Variants in PCGF5 observed in about 807,000 individuals in gnomAD.
The protein encoded by PCGF5 is polycomb group RING finger protein 5.
PCGF5 carries 9 observed loss-of-function variants against 44.3 expected under a neutral mutation model. That is an observed-to-expected ratio of 0.20 (90% CI 0.12 to 0.35). The LOEUF (loss-of-function observed/expected upper bound fraction) is 0.35. Ranked by LOEUF, PCGF5 falls within the 10% of genes least tolerant of loss-of-function variation. The pLI is 1.00. For synonymous variants in PCGF5, 95 were observed against 102.5 expected (o/e 0.93, Z 0.44); for missense variants, 146 against 305.3 (o/e 0.48, Z 3.89).
intron 3 of PCGF5, among the ~76,000 whole-genome samples, chr10:91,244,942 A>G (rs890681950): frequency 2.0e-5 from 3 of 152,148 alleles, no homozygotes; most frequent in Non-Finnish European, 4.4e-5. Context: ...AAGTGGATAT[A>G]TGTGTCTAGA....
intron 2 of PCGF5, among the ~76,000 whole-genome samples, chr10:91,230,303 G>C (rs910770672): frequency 6.6e-6 from 1 of 152,164 alleles, no homozygotes; most frequent in Non-Finnish European, 1.5e-5. Flanking sequence ...TAGAAATCAT[G>C]ATCAGTATAC....
rs1414466825 is a variant in PCGF5, at chr10:91,181,030, G to A, written c.-184+17949G>A. 2.6e-5 allele frequency among the ~76,000 whole-genome samples: 4 copies of A among 152,116 alleles called. No homozygotes were observed. The East Asian group carries it at 7.7e-4, about 29-fold the overall frequency. ...GTCATCTCTGATTTTTTTAAGCAGT[G>A]GTTTGTTGTTCTCCTTGTAGAGATC... is the stretch of plus-strand genomic sequence containing the variant. On this transcript the variant is annotated intron_variant, in intron 1 of 9. Transcript: ENST00000614189.
upstream of PCGF5, among the ~76,000 whole-genome samples, chr10:91,161,236 T>C (rs1394719524): frequency 6.6e-6 from 1 of 152,246 alleles, no homozygotes; most frequent in East Asian, 1.9e-4. Flanking sequence ...CACCTTACCC[T>C]AGTTGAACGT....
At position 91,251,272 on chromosome 10, in the gene PCGF5, G is replaced by A; in HGVS notation, c.326-20G>A. 6.3e-7 allele frequency: 1 copy of A among 1,580,354 alleles called. No homozygotes were observed. Among genetic ancestry groups the A allele is most frequent in the Non-Finnish European group, 8.6e-7 (1 of 1,156,924 alleles). On this transcript the variant is annotated intron_variant, in intron 5 of 9. Transcript: ENST00000336126. The stretch of plus-strand genomic sequence containing the variant: ...TCAACTTTGATTTATAGCTAACTTA[G>A]TTTTGTTTAAATTATACAGATGATA...
chr10:91,174,053 T>C (rs1306409360), intron 1 of PCGF5, among the ~76,000 whole-genome samples: 1 of 151,640 alleles, frequency 6.6e-6, no homozygotes, highest in Non-Finnish European at 1.5e-5. Context: ...TTTAATGCAA[T>C]GAAGATTTTT....
chr10:91,265,981 A>G (rs1846041886), intron 8 of PCGF5, among the ~76,000 whole-genome samples: 1 of 152,162 alleles, frequency 6.6e-6, no homozygotes, highest in Non-Finnish European at 1.5e-5. Context: ...TAAATTAACA[A>G]CCTGCCTTTC....
At position 91,230,880 on chromosome 10, in the gene PCGF5, C is replaced by T. The variant is rs909177238; in HGVS notation, c.112+7897C>T. On this transcript the variant is annotated intron_variant, in intron 2 of 9. Transcript: ENST00000336126. The stretch of plus-strand genomic sequence containing the variant: ...TCAAGTGATCAATCTGCCTTGACCT[C>T]CCAAAGTGCTGGGATTATAGGTGTC... 7.9e-5 allele frequency among the ~76,000 whole-genome samples: 12 copies of T among 152,218 alleles called. No individual in the cohort carries two copies. The East Asian group carries it at 1.9e-3, about 25-fold the overall frequency.
upstream of PCGF5, among the ~76,000 whole-genome samples, chr10:91,161,312 A>G (rs1843378192): frequency 6.6e-6 from 1 of 151,998 alleles, no homozygotes; most frequent in Non-Finnish European, 1.5e-5. Context: ...CGCTTGGGAA[A>G]GAATACTTTC....
At chr10:91,244,011 T>C (rs926812243) in intron 3 of PCGF5, among the ~76,000 whole-genome samples, 2 of 152,232 alleles carry the variant, frequency 1.3e-5, no homozygotes, top group Non-Finnish European at 2.9e-5. Context: ...TTCTAGGTGC[T>C]TGAGGTCCAT....
intron 3 of PCGF5, among the ~76,000 whole-genome samples, chr10:91,241,282 T>C (rs1165225536): frequency 6.6e-6 from 1 of 151,996 alleles, no homozygotes; most frequent in Non-Finnish European, 1.5e-5. Flanking sequence ...TTGGTCAGGC[T>C]GGTCTCAAAC....
At chr10:91,218,081 G>C (rs945084772), upstream of PCGF5, among the ~76,000 whole-genome samples, 1 of 152,114 alleles carries the variant, frequency 6.6e-6, no homozygotes, top group African/African-American at 2.4e-5. Context: ...GCCACCGTGC[G>C]CAGCCCTAAT....
chr10:91,164,771 C>T (rs1483119971), intron 1 of PCGF5, among the ~76,000 whole-genome samples: 1 of 152,190 alleles, frequency 6.6e-6, no homozygotes, highest in East Asian at 1.9e-4. Flanking sequence ...TCTACTCAGC[C>T]AGGCCTTCTT....
At position 91,281,070 on chromosome 10, in the gene PCGF5, A is replaced by T. The variant is rs751111638; in HGVS notation, c.*2754A>T. ...TAGATATAAAGAATGACTGTGGTTT[A>T]TAAACATTACTTTAATTGAAGTAAT... On this transcript the variant is annotated 3_prime_UTR_variant, in exon 10 of 10. Coordinates refer to ENST00000336126, the MANE Select transcript of PCGF5 (RefSeq NM_032373.5). 5.9e-5 allele frequency: 9 copies of T among 152,514 alleles called. No individual in the cohort carries two copies. The highest frequency in any genetic ancestry group is 1.3e-4 in the Non-Finnish European group (9 of 67,900). The allele number at this position is 152,514 out of a possible 1,614,324, so 9.4% of individuals were successfully genotyped here.
At chr10:91,272,470 C>CA (rs562609115) in intron 9 of PCGF5, among the ~76,000 whole-genome samples, 14 of 146,520 alleles carry the variant, frequency 9.6e-5, no homozygotes, top group East Asian at 5.8e-4. Flanking sequence ...TATAGCAAGA[C>CA]AAAAAAAAAT....
chr10:91,257,764 G>C (rs1005882685), intron 6 of PCGF5, among the ~76,000 whole-genome samples: 1 of 151,954 alleles, frequency 6.6e-6, no homozygotes, highest in South Asian at 2.1e-4. Context: ...ATATTGACTG[G>C]GTAACTGAAA....
At chr10:91,239,612 G>A (rs1280513588) in intron 2 of PCGF5, among the ~76,000 whole-genome samples, 1 of 152,162 alleles carries the variant, frequency 6.6e-6, no homozygotes, top group African/African-American at 2.4e-5. Flanking sequence ...TGGAGGAGGA[G>A]TATTAGGATG....
chr10:91,203,496 T>G (rs554792186), intron 1 of PCGF5, among the ~76,000 whole-genome samples: 1 of 152,218 alleles, frequency 6.6e-6, no homozygotes, highest in Non-Finnish European at 1.5e-5. Context: ...ACTAGTTTTA[T>G]TTCTAAATTA....
rs1846502545 is a variant in PCGF5 at position 91,283,541 on chromosome 10, T to C, written c.*5225T>C. 1 of 152,242 alleles carries C rather than the reference T, an allele frequency of 6.6e-6. No homozygotes were observed. Among genetic ancestry groups the C allele is most frequent in the Non-Finnish European group, 1.5e-5 (1 of 68,046 alleles). 9.4% of individuals were successfully genotyped at this position (152,242 alleles called of 1,614,324 possible). On this transcript the variant is annotated 3_prime_UTR_variant, in exon 10 of 10. Transcript: ENST00000336126. ...GAGAGATAGTCAACAAATTTATTTA[T>C]CCATCCTCTGCACATCAGTCCACTG... is the stretch of plus-strand genomic sequence containing the variant.
At chr10:91,169,307 A>G (rs1020000616) in intron 1 of PCGF5, among the ~76,000 whole-genome samples, 3 of 152,228 alleles carry the variant, frequency 2.0e-5, no homozygotes, top group Non-Finnish European at 4.4e-5. Flanking sequence ...AAAGAAATAA[A>G]AGATAGCCTG....
Sources: gnomAD v4.1 joint callset for allele counts (sites outside exome capture counted in the v4.1 genomes callset) on GRCh38, gnomAD v4.1.1 for gene constraint, MANE v1.5 for transcripts, NCBI Gene and HGNC (gene_info 2026-07-23, HGNC 2026-07-21) for gene names.